CCDC171: variants seen among roughly 807,000 people sequenced by gnomAD.
The protein encoded by CCDC171 is coiled-coil domain containing 171.
Under a neutral mutation model 168.2 loss-of-function variants are expected in CCDC171, and 177 were observed. The ratio of observed to expected loss-of-function variants is 1.05; its 90% confidence interval spans 0.93 to 1.19. CCDC171 has a LOEUF of 1.19. Ranked by LOEUF, CCDC171 falls within the 50% of genes most tolerant of loss-of-function variation. The pLI is 0.00. For missense variants in CCDC171, 1,991 were observed against 1,539.0 expected, an observed-to-expected ratio of 1.29 and a Z score of -4.91; for synonymous variants, 687 against 540.8, an observed-to-expected ratio of 1.27 and a Z score of -3.75.
intron 21 of CCDC171, among the ~76,000 whole-genome samples, chr9:15,846,100 G>C (rs1265576002): frequency 6.6e-6 from 1 of 152,114 alleles, no homozygotes; most frequent in Admixed American, 6.6e-5. Flanking sequence ...TCCTATTTGT[G>C]TTGCTATCCT....
chr9:15,696,944 C>A lies in CCDC171; in HGVS notation c.1318+1607C>A, dbSNP rs80066186. Among the ~76,000 whole-genome samples, 271 of 152,242 alleles carry A rather than the reference C, an allele frequency of 1.8e-3. 2 individuals are homozygous for A. Among genetic ancestry groups the A allele is most frequent in the African/African-American group, 6.1e-3 (254 of 41,536 alleles). ...TGAATTAGTGATTTTTGGATTGTTA[C>A]AGAGTGGTAACATGTTTCCATTTTG... On this transcript the variant is annotated intron_variant, in intron 11 of 25. Coordinates refer to ENST00000380701, the MANE Select transcript of CCDC171 (RefSeq NM_173550.4).
chr9:15,983,815 A>AGTGTGT (rs563329483), intron 3 of CCDC171, among the ~76,000 whole-genome samples: 14,243 of 123,952 alleles, frequency 0.11, 920 homozygotes, highest in South Asian at 0.16. Flanking sequence ...CTAAATAAAG[A>AGTGTGT]GAGTGTGTGT....
chr9:15,964,437 C>A (rs974920717), intron 25 of CCDC171, among the ~76,000 whole-genome samples: 1 of 127,448 alleles, frequency 7.8e-6, no homozygotes, highest in African/African-American at 3.3e-5. Flanking sequence ...ATTTTCAATT[C>A]TCTCGAATTG....
intron 24 of CCDC171, among the ~76,000 whole-genome samples, chr9:15,901,856 C>T (rs887568650): frequency 5.3e-5 from 8 of 152,052 alleles, no homozygotes; most frequent in Non-Finnish European, 1.0e-4. Context: ...TTAAGTGAAT[C>T]TATATATTAA....
chr9:15,804,477 C>G (rs1218526377), intron 21 of CCDC171, among the ~76,000 whole-genome samples: 1 of 147,850 alleles, frequency 6.8e-6, no homozygotes, highest in Non-Finnish European at 1.5e-5. Context: ...TTTTTTGCAT[C>G]TATTGAGATG....
intron 10 of CCDC171, among the ~76,000 whole-genome samples, chr9:15,679,461 A>T (rs552356225): frequency 5.9e-5 from 9 of 152,108 alleles, no homozygotes; most frequent in African/African-American, 2.2e-4. Flanking sequence ...TTTTGTCTTC[A>T]TATTAACTTT....
In CCDC171 at chr9:15,693,266, T is replaced by C. The variant is rs183529129; in HGVS notation, c.1216-1969T>C. ...ACATATGGCAGTATATTAAACATACTGTCAACCCACTTCCCTTTTTGTTTT... is the reference window on the plus strand; with the variant it reads ...ACATATGGCAGTATATTAAACATACCGTCAACCCACTTCCCTTTTTGTTTT... On this transcript the variant is annotated intron_variant, in intron 10 of 25. Coordinates refer to ENST00000380701, the MANE Select transcript of CCDC171 (RefSeq NM_173550.4). Among the ~76,000 whole-genome samples the C allele has an allele frequency of 3.2e-3, 486 of 152,308 alleles. 1 individual carries two copies. The highest frequency in any genetic ancestry group is 0.011 in the African/African-American group (439 of 41,564).
intron 21 of CCDC171, among the ~76,000 whole-genome samples, chr9:15,834,671 C>G (rs531655511): frequency 3.1e-4 from 47 of 152,144 alleles, no homozygotes; most frequent in African/African-American, 1.1e-3. Flanking sequence ...TAGTATTAAC[C>G]TTGATAAAAT....
At chr9:15,865,840 C>T (rs1167391200) in intron 23 of CCDC171, among the ~76,000 whole-genome samples, 2 of 91,522 alleles carry the variant, frequency 2.2e-5, no homozygotes, top group East Asian at 8.2e-4. Context: ...CAAAGTTCAA[C>T]TCTGCGTGCG....
chr9:15,951,806 T>C (rs547866856), intron 25 of CCDC171, among the ~76,000 whole-genome samples: 19 of 152,298 alleles, frequency 1.2e-4, no homozygotes, highest in Non-Finnish European at 1.9e-4. Flanking sequence ...TCTCCTGTTC[T>C]GTGGGTTGCC....
chr9:15,909,257 G>T (rs1232838709), intron 24 of CCDC171, among the ~76,000 whole-genome samples: 1 of 152,146 alleles, frequency 6.6e-6, no homozygotes, highest in Non-Finnish European at 1.5e-5. Flanking sequence ...TGTTACCATT[G>T]TAGAAGTATT....
At chr9:15,599,523 T>G (rs2042660642) in intron 6 of CCDC171, among the ~76,000 whole-genome samples, 1 of 152,224 alleles carries the variant, frequency 6.6e-6, no homozygotes. Context: ...GATCCGCTGT[T>G]AGTCTGATGG....
chr9:15,692,711 T>C (rs1271986539), intron 10 of CCDC171, among the ~76,000 whole-genome samples: 3 of 151,688 alleles, frequency 2.0e-5, no homozygotes, highest in Non-Finnish European at 4.4e-5. Flanking sequence ...GTATATTTAG[T>C]AGAGACGGGG....
At chr9:15,954,860 G>A (rs1026126359) in intron 25 of CCDC171, among the ~76,000 whole-genome samples, 49 of 151,520 alleles carry the variant, frequency 3.2e-4, no homozygotes, top group African/African-American at 1.1e-3. Context: ...TCTTTCTTTA[G>A]TTCTCTGAGC....
chr9:15,778,951 C>A lies in CCDC171; in HGVS notation c.2899-17C>A, dbSNP rs757708304. The A allele has an allele frequency of 6.9e-7, 1 of 1,447,084 alleles. No individual in the cohort carries two copies. The highest frequency in any genetic ancestry group is 9.1e-7 in the Non-Finnish European group (1 of 1,094,412). The allele number at this position is 1,447,084 out of a possible 1,614,324, so 89.6% of individuals were successfully genotyped here. On this transcript the variant is annotated splice_polypyrimidine_tract_variant and intron_variant, in intron 19 of 25. Transcript: ENST00000380701. ...TCTGTAGTTACTGTTTATAAAATTG[C>A]TCTTGTTTAACAACAGAAAAGCACA...
chr9:15,782,834 TA>T (rs1245335745), intron 20 of CCDC171, among the ~76,000 whole-genome samples: 3 of 152,090 alleles, frequency 2.0e-5, no homozygotes, highest in African/African-American at 7.2e-5. Context: ...AAACAGCGAG[TA>T]AAAAGTTGAG....
intron 3 of CCDC171, among the ~76,000 whole-genome samples, chr9:16,001,049 G>C (rs991148964): frequency 6.6e-6 from 1 of 152,032 alleles, no homozygotes; most frequent in Non-Finnish European, 1.5e-5. Context: ...TTGCCAAGAG[G>C]GTTGTATGTA....
At chr9:16,033,640 G>C (rs1833407176) in intron 6 of CCDC171, among the ~76,000 whole-genome samples, 3 of 152,132 alleles carry the variant, frequency 2.0e-5, no homozygotes, top group African/African-American at 4.8e-5. Flanking sequence ...AGAAAACCTA[G>C]CACAATAAAT....
chr9:15,658,086 T>C (rs2048069864), intron 8 of CCDC171, among the ~76,000 whole-genome samples: 1 of 152,268 alleles, frequency 6.6e-6, no homozygotes, highest in Non-Finnish European at 1.5e-5. Context: ...AAATGTTTAC[T>C]GACCACTGTT....
Sources: gnomAD v4.1 joint callset for allele counts (sites outside exome capture counted in the v4.1 genomes callset) on GRCh38, gnomAD v4.1.1 for gene constraint, MANE v1.5 for transcripts, NCBI Gene and HGNC (gene_info 2026-07-23, HGNC 2026-07-21) for gene names.